The following TP73 variants were observed in gnomAD, a reference collection of about 807,000 sequenced individuals.
TP73 encodes the protein p53-like transcription factor.
In TP73, 25 loss-of-function variants were observed where a neutral mutation model predicts 62.5. The observed-to-expected ratio is 0.40, with a 90% confidence interval of 0.29 to 0.56. TP73 has a LOEUF of 0.56. Ranked by LOEUF, TP73 falls within the 20% of genes least tolerant of loss-of-function variation. The pLI is 0.46. For missense variants in TP73, 754 were observed against 913.3 expected (o/e 0.83, Z 2.25); for synonymous variants, 423 against 377.5 (o/e 1.12, Z -1.40).
At chr1:3,700,067 G>A (rs561403882) in intron 3 of TP73, among the ~76,000 whole-genome samples, 1 of 152,146 alleles carries the variant, frequency 6.6e-6, no homozygotes, top group East Asian at 1.9e-4. Flanking sequence ...CTGTCTACGG[G>A]GCAGGAGCTC....
chr1:3,683,940 G>A (rs989985517), intron 3 of TP73, among the ~76,000 whole-genome samples: 1 of 152,230 alleles, frequency 6.6e-6, no homozygotes, highest in Non-Finnish European at 1.5e-5. Context: ...GAGGCCTCCG[G>A]CACCCCATCT....
At chr1:3,687,937 C>T (rs1423901400) in intron 3 of TP73, among the ~76,000 whole-genome samples, 5 of 152,114 alleles carry the variant, frequency 3.3e-5, no homozygotes, top group Non-Finnish European at 5.9e-5. Context: ...GGCTTGAGAC[C>T]CTAGAGGTCA....
intron 11 of TP73, 92 bp downstream of exon 11, chr1:3,730,240 AG>A: frequency 1.5e-6 from 2 of 1,344,916 alleles, no homozygotes; most frequent in Non-Finnish European, 1.9e-6. Context: ...CTCGGGACCC[AG>A]GGCAGGTGTC....
chr1:3,682,156 C>G (rs769542448), intron 1 of TP73, among the ~76,000 whole-genome samples, 177 bp from the exon 2 acceptor site: 1 of 152,214 alleles, frequency 6.6e-6, no homozygotes, highest in South Asian at 2.1e-4. Context: ...TTTCCAGCCG[C>G]GGGGAACAGG....
intron 3 of TP73, among the ~76,000 whole-genome samples, chr1:3,698,626 C>A (rs920065228): frequency 1.2e-4 from 18 of 152,104 alleles, no homozygotes; most frequent in Admixed American, 9.2e-4. Flanking sequence ...GGCGGCGGCA[C>A]CGTGAGTGGA....
chr1:3,723,958 G>A (rs940405623), intron 6 of TP73, among the ~76,000 whole-genome samples: 2 of 152,184 alleles, frequency 1.3e-5, no homozygotes, highest in Middle Eastern at 3.2e-3. Context: ...AGGGGCCCAG[G>A]AGAGGTGGCC....
At chr1:3,692,947 T>C (rs562949705) in intron 3 of TP73, among the ~76,000 whole-genome samples, 1 of 152,340 alleles carries the variant, frequency 6.6e-6, no homozygotes, top group East Asian at 1.9e-4. Context: ...GCGTCAGCAA[T>C]GGCCAGCTGT....
chr1:3,688,316 T>C (rs1483112465), intron 3 of TP73, among the ~76,000 whole-genome samples: 1 of 152,184 alleles, frequency 6.6e-6, no homozygotes, highest in Non-Finnish European at 1.5e-5. Flanking sequence ...GCCTCTTCCA[T>C]GCGGTGGGAT....
intron 3 of TP73, 93 bp downstream of exon 3, chr1:3,683,273 A>G: frequency 6.8e-7 from 1 of 1,463,026 alleles, no homozygotes; most frequent in Non-Finnish European, 9.2e-7. Context: ...ACCAGGAGAT[A>G]GCCTCTTGGT....
At chr1:3,731,204 G>A in intron 12 of TP73, 139 bp downstream of exon 12, 4 of 1,267,790 alleles carry the variant, frequency 3.2e-6, no homozygotes, top group Non-Finnish European at 4.3e-6. Context: ...GGCGGGGGCA[G>A]TCAGGCCAGG....
chr1:3,720,623 C>G (rs1640995540), intron 4 of TP73, among the ~76,000 whole-genome samples: 1 of 152,242 alleles, frequency 6.6e-6, no homozygotes, highest in African/African-American at 2.4e-5. Context: ...AGGCCCCACC[C>G]ACCATGGCTC....
At chr1:3,697,528 G>C (rs549151812) in intron 3 of TP73, among the ~76,000 whole-genome samples, 3 of 152,344 alleles carry the variant, frequency 2.0e-5, no homozygotes, top group South Asian at 4.1e-4. Flanking sequence ...CCCTGTGCCT[G>C]GCTCTGTGTT....
chr1:3,682,214 C>T, intron 1 of TP73, 119 bp from the exon 2 acceptor site: 1 of 666,786 alleles, frequency 1.5e-6, no homozygotes, highest in Admixed American at 3.7e-5. Flanking sequence ...AAGGCGGGGG[C>T]ACCTGCTCCA....
At chr1:3,725,658 GTGGA>G (rs1226436384) in intron 6 of TP73, among the ~76,000 whole-genome samples, 342 of 139,918 alleles carry the variant, frequency 2.4e-3, no homozygotes, top group African/African-American at 8.5e-3. Context: ...GATGGGGTGG[GTGGA>G]TGGATGGATG....
intron 3 of TP73, among the ~76,000 whole-genome samples, chr1:3,703,338 G>C (rs1639368705): frequency 6.6e-6 from 1 of 152,202 alleles, no homozygotes; most frequent in South Asian, 2.1e-4. Flanking sequence ...CTGAGCCTGA[G>C]GATGAGAGGG....
intron 3 of TP73, among the ~76,000 whole-genome samples, chr1:3,683,682 A>G (rs1196780596): frequency 6.6e-6 from 1 of 152,178 alleles, no homozygotes; most frequent in Admixed American, 6.5e-5. Flanking sequence ...AGCATGCCCT[A>G]TCCCTGTGGA....
rs545988145 is a variant in TP73 at position 3,661,359 on chromosome 1, T to G, written c.-34+8718T>G. 2.0e-4 allele frequency among the ~76,000 whole-genome samples: 30 copies of G among 152,300 alleles called. No homozygotes were observed. In the South Asian group the frequency reaches 3.3e-3, roughly 17 times the overall value. The stretch of plus-strand genomic sequence containing the variant: ...GAAATAATACTTAATTCTCATTTAA[T>G]CAAAGTAACAATGAAATATTCAAAG... On this transcript the variant is annotated intron_variant, in intron 1 of 13. Transcript: ENST00000378295.
At chr1:3,711,516 C>T (rs903924856) in intron 4 of TP73, among the ~76,000 whole-genome samples, 6 of 152,264 alleles carry the variant, frequency 3.9e-5, no homozygotes, top group Non-Finnish European at 2.9e-5. Context: ...CCGGCTCAGC[C>T]GTTCTGCCCC....
chr1:3,665,808 C>T (rs1292766117), intron 1 of TP73, among the ~76,000 whole-genome samples: 2 of 144,174 alleles, frequency 1.4e-5, no homozygotes, highest in African/African-American at 5.2e-5. Flanking sequence ...GCATGAACCA[C>T]CGTGCCCGGC....
Sources: gnomAD v4.1 joint callset for allele counts (sites outside exome capture counted in the v4.1 genomes callset) on GRCh38, gnomAD v4.1.1 for gene constraint, MANE v1.5 for transcripts, NCBI Gene and HGNC (gene_info 2026-07-23, HGNC 2026-07-21) for gene names.